Variants in ATPAF1 observed in about 807,000 individuals in gnomAD.
ATPAF1 encodes ATP synthase mitochondrial F1 complex assembly factor 1.
ATPAF1 carries 26 observed loss-of-function variants against 43.9 expected under a neutral mutation model. The ratio of observed to expected loss-of-function variants is 0.59; its 90% CI spans 0.43 to 0.82. The LOEUF is 0.82. ATPAF1 is among the 40% of genes least tolerant of loss of function. The probability of loss-of-function intolerance (pLI) is 0.00; values close to 1 mark genes in which losing one functional copy is unlikely to be tolerated. For synonymous variants in ATPAF1, 157 were observed against 168.0 expected (o/e 0.93, Z 0.50); for missense variants, 366 against 435.0 (o/e 0.84, Z 1.41).
chr1:46,667,102 T>C (rs1676503709), intron 1 of ATPAF1, among the ~76,000 whole-genome samples: 1 of 152,132 alleles, frequency 6.6e-6, no homozygotes, highest in Admixed American at 6.5e-5. Flanking sequence ...CTGTTTCAAA[T>C]GGCAAGAAAG....
intron 6 of ATPAF1, among the ~76,000 whole-genome samples, chr1:46,647,499 C>T (rs1569606652): frequency 9.4e-6 from 1 of 106,742 alleles, no homozygotes; most frequent in Admixed American, 8.7e-5. Flanking sequence ...TATGTATACA[C>T]ACATACACAC....
rs1181749928 is a variant in ATPAF1, at chr1:46,653,905, T to A, written c.490-38A>T. ...GAGAGGGGTGTCTGTGACATGTGGGTAATCTTTTCAACATGTGCCAAGAAA... is the reference window on the plus strand; with the variant it reads ...GAGAGGGGTGTCTGTGACATGTGGGAAATCTTTTCAACATGTGCCAAGAAA... On this transcript the variant is annotated intron_variant, in intron 4 of 8. Transcript: ENST00000574428. The surrounding 1 kb of genome is among the most constrained non-coding windows in gnomAD (Gnocchi z 4.8). 2 of 1,588,752 alleles carry A rather than the reference T, an allele frequency of 1.3e-6. No homozygotes were observed. The highest frequency in any genetic ancestry group is 2.7e-5 in the African/African-American group (2 of 74,294).
At chr1:46,658,007 T>G in intron 4 of ATPAF1, 120 bp downstream of exon 4, 1 of 952,856 alleles carries the variant, frequency 1.0e-6, no homozygotes, top group Non-Finnish European at 1.6e-6. Flanking sequence ...ATTCATCACT[T>G]TTGCCTTTTA....
upstream of ATPAF1, chr1:46,668,501 C>T (rs374762508): frequency 2.0e-4 from 166 of 811,812 alleles, 2 homozygotes; most frequent in South Asian, 8.1e-3. This position sits in a 1 kb window ranked among gnomAD's most constrained non-coding sequence, Gnocchi z 4.4. Flanking sequence ...GCGCGCCGCT[C>T]TGGCCCCGGC....
At chr1:46,649,433 T>A (rs983649984) in intron 6 of ATPAF1, among the ~76,000 whole-genome samples, 4 of 152,212 alleles carry the variant, frequency 2.6e-5, no homozygotes, top group Non-Finnish European at 5.9e-5. Flanking sequence ...AATTACTGTA[T>A]CTTTGTAATA....
In ATPAF1 at chr1:46,653,860, T is replaced by C. The variant is rs1676214716; in HGVS notation, c.497A>G (p.Gln166Arg). Residue 166 changes from glutamine (Q) to arginine (R), a missense_variant, in exon 5 of 9, where the codon CAG becomes CGG. Gln to Arg is a conservative substitution (Grantham distance 43, BLOSUM62 1). This residue lies in a region of ATPAF1 where 180 missense variants were observed against 266.5 expected (regional missense o/e 0.68). Transcript: ENST00000574428. The surrounding 1 kb of genome is among the most constrained non-coding windows in gnomAD (Gnocchi z 4.8). ...TGTATCTTTTGCTGCAAAATATTGCTGCCAAATCTGTACAAAAAAGAGAGG... is the reference window on the plus strand; with the variant it reads ...TGTATCTTTTGCTGCAAAATATTGCCGCCAAATCTGTACAAAAAAGAGAGG... 1.2e-6 allele frequency: 2 copies of C among 1,610,972 alleles called. No homozygotes were observed. Among genetic ancestry groups the C allele is most frequent in the Middle Eastern group, 1.6e-4 (1 of 6,078 alleles).
At chr1:46,642,890 T>A (rs980044762) in intron 8 of ATPAF1, among the ~76,000 whole-genome samples, 1 of 152,202 alleles carries the variant, frequency 6.6e-6, no homozygotes, top group Admixed American at 6.5e-5. Flanking sequence ...TAGTTTCACA[T>A]CAGTTTAAAG....
intron 1 of ATPAF1, 127 bp downstream of exon 1, chr1:46,667,930 C>T: frequency 1.3e-6 from 1 of 742,290 alleles, no homozygotes; most frequent in Non-Finnish European, 1.9e-6. Context: ...CTCGCGGAGC[C>T]TGGCTACATC....
In ATPAF1 at chr1:46,653,692, A is replaced by T; in HGVS notation, c.540+125T>A. 1.3e-6 allele frequency: 1 copy of T among 790,028 alleles called. No homozygotes were observed. The highest frequency in any genetic ancestry group is 2.0e-6 in the Non-Finnish European group (1 of 499,598). 48.9% of individuals were successfully genotyped at this position (790,028 alleles called of 1,614,324 possible). ...TGCTCAGGGCATAATAAAAACTCTC[A>T]GGGCTGTAAAATGCAGCTTCTCAAG... On this transcript the variant is annotated intron_variant, in intron 5 of 8. Transcript: ENST00000574428. This position sits in a 1 kb window ranked among gnomAD's most constrained non-coding sequence, Gnocchi z 4.8.
chr1:46,654,560 T>A (rs980251665), intron 4 of ATPAF1, among the ~76,000 whole-genome samples: 4 of 145,884 alleles, frequency 2.7e-5, no homozygotes, highest in Non-Finnish European at 4.5e-5. Flanking sequence ...TTATTATTAT[T>A]GTACTTTAAG....
chr1:46,668,223 G>T lies in ATPAF1; in HGVS notation c.100C>A (p.Leu34Met). The T allele has an allele frequency of 7.3e-7, 1 of 1,370,186 alleles. No homozygotes were observed. The highest frequency in any genetic ancestry group is 1.7e-5 in the South Asian group (1 of 59,232). 84.9% of individuals were successfully genotyped at this position (1,370,186 alleles called of 1,614,324 possible). A position where few individuals can be genotyped will look rare whatever the true frequency, so the allele number is the denominator to read the frequency against. ...GCGGGTGACACGAGCCCCAGGCCCA[G>T]GGCGCGGCTGCGCACCGCGCACAGG... Residue 34 changes from leucine to methionine, a missense_variant, in exon 1 of 9, where the codon CTG becomes ATG. By Grantham distance (15) the Leu-to-Met change is conservative. Coordinates refer to ENST00000574428, the Ensembl canonical transcript of ATPAF1. The surrounding 1 kb of genome is among the most constrained non-coding windows in gnomAD (Gnocchi z 4.4).
rs1409159125 is a variant in ATPAF1 at position 46,653,240 on chromosome 1, A to C, written c.540+577T>G. On this transcript the variant is annotated intron_variant, in intron 5 of 8. Coordinates refer to ENST00000574428, the Ensembl canonical transcript of ATPAF1. This position sits in a 1 kb window ranked among gnomAD's most constrained non-coding sequence, Gnocchi z 4.8. ...AATCCAGTACTTCAGATGCTTTATT[A>C]TAGTGAAGGCCAGCAAAACATTAAA... Among the ~76,000 whole-genome samples the C allele has an allele frequency of 6.6e-6, 1 of 152,118 alleles. No homozygotes were observed. Among genetic ancestry groups the C allele is most frequent in the Non-Finnish European group, 1.5e-5 (1 of 68,028 alleles).
intron 2 of ATPAF1, among the ~76,000 whole-genome samples, chr1:46,664,278 A>C (rs1399415279): frequency 1.3e-5 from 2 of 152,226 alleles, no homozygotes; most frequent in African/African-American, 2.4e-5. Flanking sequence ...GGCGCTAAAG[A>C]GTTTTAAATG....
Position 46,658,107 on chromosome 1 carries a change from A to G in ATPAF1, c.489+20T>C. 6.2e-7 allele frequency: 1 copy of G among 1,605,592 alleles called. No homozygotes were observed. Among genetic ancestry groups the G allele is most frequent in the Non-Finnish European group, 8.5e-7 (1 of 1,175,470 alleles). On this transcript the variant is annotated intron_variant, in intron 4 of 8. Transcript: ENST00000574428. ...AATTCACATTTTCATAGAGTAGGCCAGCCCATTTCCATTCATTACCTGTTT... is the reference window on the plus strand; with the variant it reads ...AATTCACATTTTCATAGAGTAGGCCGGCCCATTTCCATTCATTACCTGTTT...
chr1:46,659,193 AAAATAAAATAAAT>A (rs1451092160), intron 2 of ATPAF1, among the ~76,000 whole-genome samples: 1 of 152,176 alleles, frequency 6.6e-6, no homozygotes, highest in Non-Finnish European at 1.5e-5. Context: ...TCTGTCTCAT[AAAATAAAATAAAT>A]AAATAAAAAG....
chr1:46,634,868 G>A (rs1019607729), downstream of ATPAF1: 2 of 152,422 alleles, frequency 1.3e-5, no homozygotes, highest in African/African-American at 4.8e-5. Context: ...CTGACACAAT[G>A]GACAGTACAT....
intron 8 of ATPAF1, among the ~76,000 whole-genome samples, chr1:46,638,358 C>T (rs940038086): frequency 6.6e-6 from 1 of 152,188 alleles, no homozygotes; most frequent in African/African-American, 2.4e-5. Flanking sequence ...GTGGCTCACG[C>T]CTATAATCCC....
chr1:46,667,485 G>C (rs1187159652), intron 1 of ATPAF1, among the ~76,000 whole-genome samples: 1 of 152,208 alleles, frequency 6.6e-6, no homozygotes, highest in East Asian at 1.9e-4. Context: ...TGGACTCAGA[G>C]TCAGACAAAT....
At chr1:46,668,483 A>T, upstream of ATPAF1, 140 of 532,404 alleles carry the variant, frequency 2.6e-4, no homozygotes, top group East Asian at 1.4e-3. The surrounding 1 kb of genome is among the most constrained non-coding windows in gnomAD (Gnocchi z 4.4). Context: ...CGGGGCGGGG[A>T]GGAGGGGGCG....
Sources: gnomAD v4.1 joint callset for allele counts (sites outside exome capture counted in the v4.1 genomes callset) on GRCh38, gnomAD v4.1.1 for gene constraint, gnomAD v4.1.1 regional missense constraint, Gnocchi (gnomAD v3.1) non-coding constraint, MANE v1.5 for transcripts, NCBI Gene and HGNC (gene_info 2026-07-23, HGNC 2026-07-21) for gene names.